PKHD1: variants seen among roughly 807,000 people sequenced by gnomAD.
PKHD1 encodes PKHD1 ciliary IPT domain containing fibrocystin/polyductin.
PKHD1 carries 291 observed loss-of-function variants against 412.0 expected under a neutral mutation model. The observed-to-expected ratio is 0.71, with a 90% confidence interval of 0.64 to 0.78. The LOEUF is 0.78. PKHD1 is among the 30% of genes least tolerant of loss of function. The probability of loss-of-function intolerance (pLI) is 0.00; values close to 1 mark genes in which losing one functional copy is unlikely to be tolerated. For synonymous variants in PKHD1, 1,777 were observed against 1,821.5 expected, an observed-to-expected ratio of 0.98 and a Z score of 0.62; for missense variants, 4,825 against 4,950.7, an observed-to-expected ratio of 0.97 and a Z score of 0.76.
intron 63 of PKHD1, among the ~76,000 whole-genome samples, chr6:51,644,184 C>A (rs1769770082): frequency 6.6e-6 from 1 of 151,546 alleles, no homozygotes; most frequent in African/African-American, 2.4e-5. Flanking sequence ...AATGTATAAG[C>A]TAAATTAAAT....
At chr6:51,670,365 G>A (rs1774713025) in intron 60 of PKHD1, among the ~76,000 whole-genome samples, 1 of 152,026 alleles carries the variant, frequency 6.6e-6, no homozygotes, top group Non-Finnish European at 1.5e-5. Context: ...GACTAGGACT[G>A]CAACCCCTGC....
At chr6:52,056,588 T>C (rs945815859) in intron 18 of PKHD1, 110 bp downstream of exon 18, 1 of 888,350 alleles carries the variant, frequency 1.1e-6, no homozygotes, top group Non-Finnish European at 1.9e-6. Flanking sequence ...TTTCATATTT[T>C]TTTTTTACTC....
rs527500817 is a variant in PKHD1 at position 51,903,461 on chromosome 6, T to C, written c.6996+136A>G. The C allele has an allele frequency of 6.6e-5, 49 of 744,252 alleles. No individual in the cohort carries two copies. In the African/African-American group the frequency reaches 7.3e-4, roughly 11 times the overall value. 46.1% of individuals were successfully genotyped at this position (744,252 alleles called of 1,614,324 possible). A position where few individuals can be genotyped will look rare whatever the true frequency, so the allele number is the denominator to read the frequency against. On this transcript the variant is annotated intron_variant, in intron 43 of 66. Transcript: ENST00000371117. The stretch of plus-strand genomic sequence containing the variant: ...CTGTCATTAGCGTTAGTGCATTTTA[T>C]GTGTGACCCAATTCTTCCAATGGCA...
At chr6:52,044,219 A>G (rs1363644651) in intron 25 of PKHD1, among the ~76,000 whole-genome samples, 1 of 152,174 alleles carries the variant, frequency 6.6e-6, no homozygotes, top group Non-Finnish European at 1.5e-5. Context: ...TCCTAAAGAG[A>G]GACTATATAT....
intron 35 of PKHD1, among the ~76,000 whole-genome samples, chr6:52,004,231 G>T (rs1798782316): frequency 6.6e-6 from 1 of 150,840 alleles, no homozygotes; most frequent in South Asian, 2.1e-4. Flanking sequence ...TGATTGTTTT[G>T]TCTACAAGTT....
chr6:52,078,461 C>G (rs1488156728), intron 5 of PKHD1, among the ~76,000 whole-genome samples: 1 of 152,030 alleles, frequency 6.6e-6, no homozygotes, highest in Non-Finnish European at 1.5e-5. Context: ...TTGTCAGCGC[C>G]CACAGCAGGC....
At chr6:51,736,053 A>G (rs986083285) in intron 60 of PKHD1, among the ~76,000 whole-genome samples, 1 of 152,252 alleles carries the variant, frequency 6.6e-6, no homozygotes, top group Non-Finnish European at 1.5e-5. Context: ...TGGAGGCAAC[A>G]GGACTATCTC....
chr6:51,990,313 G>T (rs1237091573), intron 35 of PKHD1, among the ~76,000 whole-genome samples: 1 of 152,160 alleles, frequency 6.6e-6, no homozygotes, highest in Non-Finnish European at 1.5e-5. Context: ...TACTGCAGTG[G>T]CCATCTTGAC....
intron 52 of PKHD1, among the ~76,000 whole-genome samples, chr6:51,818,963 C>T (rs1166780296): frequency 2.0e-5 from 3 of 152,048 alleles, no homozygotes; most frequent in Non-Finnish European, 4.4e-5. Flanking sequence ...CAACCTCGTA[C>T]CATAATAACA....
At chr6:52,001,670 A>T (rs531598026) in intron 35 of PKHD1, among the ~76,000 whole-genome samples, 1 of 152,190 alleles carries the variant, frequency 6.6e-6, no homozygotes, top group Non-Finnish European at 1.5e-5. Context: ...TGACCTCGTG[A>T]TCTGCCCACG....
intron 21 of PKHD1, among the ~76,000 whole-genome samples, chr6:52,050,515 A>G (rs1017292795): frequency 1.3e-5 from 2 of 152,238 alleles, no homozygotes; most frequent in Non-Finnish European, 2.9e-5. Context: ...ATTTAAGGAG[A>G]TGAAGATTGA....
Position 51,748,396 on chromosome 6 carries a change from A to G in PKHD1, c.9220T>C (p.Ser3074Pro). ...TTGATTCCCGCCACCCAAATGGTGG[A>G]CCACGCTGGCTGTGTCATCAGAACC... ...LVVLMTQPAW[S>P]TIWVAGIKVN... Residue 3074 changes from serine to proline, a missense_variant, in exon 58 of 67, where the codon TCC becomes CCC. Coordinates refer to ENST00000371117, the MANE Select transcript of PKHD1 (RefSeq NM_138694.4). 1 of 1,614,050 alleles carries G rather than the reference A, an allele frequency of 6.2e-7. No homozygotes were observed. The highest frequency in any genetic ancestry group is 8.5e-7 in the Non-Finnish European group (1 of 1,179,954).
intron 50 of PKHD1, among the ~76,000 whole-genome samples, chr6:51,844,978 T>C (rs1258663578): frequency 6.6e-6 from 1 of 152,238 alleles, no homozygotes; most frequent in African/African-American, 2.4e-5. Context: ...ACCATCTGCA[T>C]AGATTAAATG....
chr6:51,722,710 C>T (rs1221274125), intron 60 of PKHD1, among the ~76,000 whole-genome samples: 4 of 152,028 alleles, frequency 2.6e-5, no homozygotes, highest in Non-Finnish European at 4.4e-5. Flanking sequence ...TCTTTCCTGC[C>T]CTCCAGGAGG....
chr6:51,844,646 C>A (rs1770841954), intron 50 of PKHD1, among the ~76,000 whole-genome samples: 1 of 152,042 alleles, frequency 6.6e-6, no homozygotes, highest in Admixed American at 6.6e-5. Flanking sequence ...ATGCAGCAGC[C>A]AAACAGAGGA....
At chr6:51,998,990 G>T (rs1483855572) in intron 35 of PKHD1, among the ~76,000 whole-genome samples, 1 of 152,136 alleles carries the variant, frequency 6.6e-6, no homozygotes, top group African/African-American at 2.4e-5. Context: ...GGGACTAGAA[G>T]AGGTGTTGCC....
At chr6:51,785,621 C>T (rs922349372) in intron 53 of PKHD1, among the ~76,000 whole-genome samples, 5 of 152,162 alleles carry the variant, frequency 3.3e-5, no homozygotes, top group African/African-American at 1.2e-4. Flanking sequence ...ATATTACTGA[C>T]TACTTCCTCT....
rs368595925 is a variant in PKHD1 at position 52,076,310 on chromosome 6, G to A, written c.414C>T (p.Ile138=). 19 of 1,612,294 alleles carry A rather than the reference G, an allele frequency of 1.2e-5. No individual in the cohort carries two copies. Among genetic ancestry groups the A allele is most frequent in the Admixed American group, 5.0e-5 (3 of 60,002 alleles). ...CACTTGGTGGATAAACTTGGTGAAC[G>A]ATGGGTGTCTGCGCCTTGGAAAACT... ...TFKFSKAQTP[I]VHQVYPPSGV... Residue 138 remains isoleucine, a synonymous_variant, in exon 6 of 67, where the codon ATC becomes ATT. Coordinates refer to ENST00000371117, the MANE Select transcript of PKHD1 (RefSeq NM_138694.4).
intron 48 of PKHD1, among the ~76,000 whole-genome samples, chr6:51,857,068 T>G (rs184043012): frequency 5.3e-4 from 81 of 152,304 alleles, no homozygotes; most frequent in Non-Finnish European, 2.9e-5. Flanking sequence ...AACTCGAAAT[T>G]TGTGAATCCA....
Sources: allele counts gnomAD v4.1 joint callset (sites outside exome capture counted in the v4.1 genomes callset), GRCh38; gene constraint gnomAD v4.1.1; transcripts MANE v1.5; gene names NCBI Gene and HGNC (gene_info 2026-07-23, HGNC 2026-07-21).